Variants in RASGEF1A observed in about 807,000 individuals in gnomAD.
RASGEF1A encodes the protein ras-GEF domain-containing family member 1A.
Under a neutral mutation model 56.4 loss-of-function variants are expected in RASGEF1A, and 18 were observed. The observed-to-expected ratio is 0.32, with a 90% CI of 0.22 to 0.47. The LOEUF (loss-of-function observed/expected upper bound fraction) is 0.47, where lower values mean the gene tolerates loss of function less well. RASGEF1A is among the 20% of genes least tolerant of loss of function. The pLI is 1.00. For missense variants in RASGEF1A, 422 were observed against 627.1 expected (o/e 0.67, Z 3.49); for synonymous variants, 245 against 242.6 (o/e 1.01, Z -0.09).
At chr10:43,215,812 G>A (rs939117736) in intron 1 of RASGEF1A, among the ~76,000 whole-genome samples, 1 of 152,218 alleles carries the variant, frequency 6.6e-6, no homozygotes, top group Non-Finnish European at 1.5e-5. Context: ...TTCTGGGTTA[G>A]GAGAGAATCA....
chr10:43,227,395 C>CT (rs1385548446), intron 1 of RASGEF1A, among the ~76,000 whole-genome samples: 1 of 152,106 alleles, frequency 6.6e-6, no homozygotes, highest in Non-Finnish European at 1.5e-5. Flanking sequence ...GGCCTGGACC[C>CT]CCAATGCACA....
intron 1 of RASGEF1A, among the ~76,000 whole-genome samples, chr10:43,261,743 G>A (rs1266669506): frequency 3.9e-5 from 6 of 152,128 alleles, no homozygotes. Flanking sequence ...GCAAAGCCGG[G>A]GCTGCCCAGC....
chr10:43,245,060 T>C (rs7098236), intron 1 of RASGEF1A, among the ~76,000 whole-genome samples: 25,306 of 151,682 alleles, frequency 0.17, 2,685 homozygotes, highest in East Asian at 0.51. Flanking sequence ...AACTTCTAAC[T>C]ACACTGAACA....
At chr10:43,266,095 G>T (rs1361819129) in intron 1 of RASGEF1A, among the ~76,000 whole-genome samples, 1 of 152,174 alleles carries the variant, frequency 6.6e-6, no homozygotes, top group Non-Finnish European at 1.5e-5. Flanking sequence ...ATATCCACCA[G>T]GTCCAGCACC....
chr10:43,201,996 C>T lies in RASGEF1A; in HGVS notation c.322-51G>A, dbSNP rs746194869. 1.4e-5 allele frequency: 21 copies of T among 1,520,244 alleles called. No individual in the cohort carries two copies. In the South Asian group the frequency reaches 2.7e-4, roughly 19 times the overall value. The allele number at this position is 1,520,244 out of a possible 1,614,324, so 94.2% of individuals were successfully genotyped here. A position where few individuals can be genotyped will look rare whatever the true frequency, so the allele number is the denominator to read the frequency against. ...AGGCCCCACAGGGCAGAGTAGGGTACTAGATGGCAAATGGTGCAAGCTTCC... is the reference window on the plus strand; with the variant it reads ...AGGCCCCACAGGGCAGAGTAGGGTATTAGATGGCAAATGGTGCAAGCTTCC... On this transcript the variant is annotated intron_variant, in intron 3 of 12. Coordinates refer to ENST00000395810, the MANE Select transcript of RASGEF1A (RefSeq NM_145313.4).
In RASGEF1A at chr10:43,266,302, G is replaced by A. The variant is rs548854116; in HGVS notation, c.-7+543C>T. The stretch of plus-strand genomic sequence containing the variant: ...ATGACCCTTGCCCAGCAGGGAGAGG[G>A]AGACACCTGGCATGGCCCTGGACCT... On this transcript the variant is annotated intron_variant, in intron 1 of 12. Transcript: ENST00000395810. Among the ~76,000 whole-genome samples, 8 of 152,306 alleles carry A rather than the reference G, an allele frequency of 5.3e-5. No individual in the cohort carries two copies. In the South Asian group the frequency reaches 1.5e-3, roughly 28 times the overall value.
Position 43,195,179 on chromosome 10 carries a change from G to A in RASGEF1A, c.*1065C>T, listed in dbSNP as rs1839778688. On this transcript the variant is annotated 3_prime_UTR_variant, in exon 13 of 13. Coordinates refer to ENST00000395810, the MANE Select transcript of RASGEF1A (RefSeq NM_145313.4). This position sits in a 1 kb window ranked among gnomAD's most constrained non-coding sequence, Gnocchi z 4.2. ...AGCTGTCCTGCGCCATGGTCAGTAG[G>A]GCCCAGGGCTCACACCACGAAGTCA... 1 of 152,288 alleles carries A rather than the reference G, an allele frequency of 6.6e-6. No homozygotes were observed. The highest frequency in any genetic ancestry group is 1.9e-4 in the East Asian group (1 of 5,206). The allele number at this position is 152,288 out of a possible 1,614,324, so 9.4% of individuals were successfully genotyped here.
chr10:43,228,281 G>A (rs1002647130), intron 1 of RASGEF1A, among the ~76,000 whole-genome samples: 7 of 152,044 alleles, frequency 4.6e-5, no homozygotes, highest in Admixed American at 2.6e-4. Context: ...AGCAGGTCCT[G>A]TGCACACGTC....
chr10:43,231,972 C>T (rs1277537337), intron 1 of RASGEF1A, among the ~76,000 whole-genome samples: 1 of 152,238 alleles, frequency 6.6e-6, no homozygotes, highest in African/African-American at 2.4e-5. Context: ...CAGACACCTC[C>T]TTTAGGGGCA....
intron 1 of RASGEF1A, among the ~76,000 whole-genome samples, chr10:43,262,692 C>T (rs1270836968): frequency 6.6e-6 from 1 of 152,228 alleles, no homozygotes; most frequent in African/African-American, 2.4e-5. Context: ...GCAGAGCAGC[C>T]CCGGGCCCCC....
intron 3 of RASGEF1A, chr10:43,202,741 G>C: frequency 2.1e-6 from 1 of 465,240 alleles, no homozygotes; most frequent in Non-Finnish European, 4.4e-6. Context: ...TGCCAGCCTA[G>C]GCCCCCCACC....
intron 1 of RASGEF1A, among the ~76,000 whole-genome samples, chr10:43,246,678 C>T (rs992221478): frequency 2.0e-5 from 3 of 152,160 alleles, no homozygotes; most frequent in African/African-American, 7.2e-5. Flanking sequence ...GGAAAGAATA[C>T]TCTCTTCAAC....
chr10:43,266,600 G>C (rs1364628352), intron 1 of RASGEF1A, among the ~76,000 whole-genome samples: 1 of 150,054 alleles, frequency 6.7e-6, no homozygotes, highest in Non-Finnish European at 1.5e-5. Context: ...GGGTGCAGGG[G>C]GTCCTGGCGC....
At chr10:43,208,351 A>C (rs566816451) in intron 1 of RASGEF1A, 1 of 986,024 alleles carries the variant, frequency 1.0e-6, no homozygotes, top group East Asian at 1.1e-4. Context: ...CCGATCCCCC[A>C]CAGGGCAAGG....
At chr10:43,238,967 A>T (rs1840470685) in intron 1 of RASGEF1A, among the ~76,000 whole-genome samples, 1 of 152,228 alleles carries the variant, frequency 6.6e-6, no homozygotes, top group Admixed American at 6.5e-5. Flanking sequence ...TTTCTTAGTC[A>T]TTCACAGAAT....
intron 1 of RASGEF1A, among the ~76,000 whole-genome samples, chr10:43,222,926 T>C (rs1840226349): frequency 6.6e-6 from 1 of 152,200 alleles, no homozygotes; most frequent in Admixed American, 6.5e-5. Context: ...CCAGCTGCTG[T>C]CTTAATGTTA....
chr10:43,200,989 A>G, intron 4 of RASGEF1A, 101 bp from the exon 5 acceptor site: 2 of 1,041,942 alleles, frequency 1.9e-6, no homozygotes, highest in East Asian at 4.8e-5. Context: ...TGCCTAACCA[A>G]CGTGAGCCCA....
intron 1 of RASGEF1A, among the ~76,000 whole-genome samples, chr10:43,243,478 G>A (rs1241553723): frequency 3.7e-5 from 5 of 136,474 alleles, no homozygotes; most frequent in East Asian, 2.3e-4. Flanking sequence ...GTCTTTACCC[G>A]GCCGCCACCC....
intron 1 of RASGEF1A, among the ~76,000 whole-genome samples, chr10:43,229,470 G>C (rs1001644330): frequency 4.1e-4 from 63 of 152,294 alleles, no homozygotes; most frequent in African/African-American, 1.4e-3. Flanking sequence ...GCCGCCCACC[G>C]GGCAGTAGGT....
Sources: allele counts gnomAD v4.1 joint callset (sites outside exome capture counted in the v4.1 genomes callset), GRCh38; gene constraint gnomAD v4.1.1; non-coding constraint Gnocchi (gnomAD v3.1); transcripts MANE v1.5; gene names NCBI Gene and HGNC (gene_info 2026-07-23, HGNC 2026-07-21).